The following UBE3C variants were observed in gnomAD, a reference collection of about 807,000 sequenced individuals.
UBE3C encodes ubiquitin protein ligase E3C.
UBE3C carries 42 observed loss-of-function variants against 129.4 expected under a neutral mutation model. That is an observed-to-expected ratio of 0.32 (90% CI 0.25 to 0.42). The LOEUF is 0.42. UBE3C is among the 10% of genes least tolerant of loss of function. The pLI, the probability that UBE3C is intolerant of heterozygous loss-of-function variation, is 1.00. For missense variants in UBE3C, 1,049 were observed against 1,319.1 expected, an observed-to-expected ratio of 0.80 and a Z score of 3.17; for synonymous variants, 510 against 492.4, an observed-to-expected ratio of 1.04 and a Z score of -0.47.
intron 22 of UBE3C, among the ~76,000 whole-genome samples, chr7:157,257,663 G>C (rs1193531272): frequency 6.7e-6 from 1 of 150,344 alleles, no homozygotes; most frequent in Non-Finnish European, 1.5e-5. Flanking sequence ...CTTGAACCCA[G>C]GAGGTGGAGG....
At position 157,269,198 on chromosome 7, in the gene UBE3C, AT is replaced by A. The variant is rs771706596; in HGVS notation, c.*1444del. ...GGTTGTTTTATGTTGAATGTTCTATATCTTATTAGTTAATTTGTATATTTTA... is the reference window on the plus strand; with the variant it reads ...GGTTGTTTTATGTTGAATGTTCTATACTTATTAGTTAATTTGTATATTTTA... On this transcript the variant is annotated 3_prime_UTR_variant, in exon 23 of 23. Transcript: ENST00000348165. The A allele has an allele frequency of 1.3e-5, 2 of 152,570 alleles. No homozygotes were observed. Among genetic ancestry groups the A allele is most frequent in the Non-Finnish European group, 2.9e-5 (2 of 68,032 alleles). The allele number at this position is 152,570 out of a possible 1,614,324, so 9.5% of individuals were successfully genotyped here. A position where few individuals can be genotyped will look rare whatever the true frequency, so the allele number is the denominator to read the frequency against.
intron 10 of UBE3C, among the ~76,000 whole-genome samples, chr7:157,196,067 G>C (rs1285269500): frequency 6.6e-6 from 1 of 152,182 alleles, no homozygotes; most frequent in Non-Finnish European, 1.5e-5. Flanking sequence ...GAGTCCTGCA[G>C]AGAACCTCTC....
rs528939743 is a variant in UBE3C at position 157,182,301 on chromosome 7, G to C, written c.964G>C (p.Val322Leu). 2 of 1,613,452 alleles carry C rather than the reference G, an allele frequency of 1.2e-6. No individual in the cohort carries two copies. Among genetic ancestry groups the C allele is most frequent in the Non-Finnish European group, 1.7e-6 (2 of 1,179,902 alleles). The stretch of plus-strand genomic sequence containing the variant: ...TGGAGCACCCTGGCTTTTCTATTTC[G>C]TTTTAACTGTTGGCGAAAATTATTT... Reference protein sequence around the residue: ...SGGAPWLFYFVLTVGENYLGA... With the variant: ...SGGAPWLFYFLLTVGENYLGA... The change falls in exon 8 of 23, where the codon GTT becomes CTT. Residue 322 changes from valine (V) to leucine (L), a missense_variant. Around this residue, in one of 4 missense-constraint regions of UBE3C, gnomAD observed 489 missense variants for 513.8 expected, o/e 0.95. Transcript: ENST00000348165.
At chr7:157,149,685 T>G (rs1807705879) in intron 1 of UBE3C, among the ~76,000 whole-genome samples, 1 of 152,150 alleles carries the variant, frequency 6.6e-6, no homozygotes. Flanking sequence ...CTAGGGTCCT[T>G]AAAAGGTTGA....
intron 10 of UBE3C, chr7:157,192,669 C>A: frequency 2.6e-6 from 2 of 770,030 alleles, no homozygotes; most frequent in Non-Finnish European, 4.7e-6. Context: ...GCTGGCTGTC[C>A]TGAAGTATTA....
Position 157,257,049 on chromosome 7 carries a change from A to G in UBE3C, c.3081+5A>G, listed in dbSNP as rs1352834996. 1.2e-6 allele frequency: 2 copies of G among 1,614,066 alleles called. No individual in the cohort carries two copies. Among genetic ancestry groups the G allele is most frequent in the East Asian group, 4.5e-5 (2 of 44,878 alleles). On this transcript the variant is annotated splice_donor_5th_base_variant and intron_variant, in intron 22 of 22. Transcript: ENST00000348165. ...CCCCCTCTCTTGGGGTTTAAGGTAC[A>G]CAACTTTCATGACATTTGCTTTAAA...
At chr7:157,178,009 T>A (rs184050374) in intron 5 of UBE3C, among the ~76,000 whole-genome samples, 1 of 151,580 alleles carries the variant, frequency 6.6e-6, no homozygotes, top group Non-Finnish European at 1.5e-5. Context: ...AAAAATAAGT[T>A]CGGTGTTAGA....
chr7:157,243,367 G>C (rs1796395831), intron 18 of UBE3C, among the ~76,000 whole-genome samples: 1 of 152,244 alleles, frequency 6.6e-6, no homozygotes, highest in Non-Finnish European at 1.5e-5. Flanking sequence ...AAGTAAGAGT[G>C]CAGCACCCGT....
Position 157,171,827 on chromosome 7 carries a change from A to T in UBE3C, c.342+1377A>T, listed in dbSNP as rs180958961. Among the ~76,000 whole-genome samples, 951 of 146,002 alleles carry T rather than the reference A, an allele frequency of 6.5e-3. 5 individuals carry two copies. The highest frequency in any genetic ancestry group is 0.023 in the African/African-American group (899 of 39,912). On this transcript the variant is annotated intron_variant, in intron 4 of 22. Transcript: ENST00000348165. ...GTTCAAGCGATTCTCCTGCCTCAGC[A>T]TCCCAAGTAGCTGGGATTACAGACG... is the stretch of plus-strand genomic sequence containing the variant.
chr7:157,166,928 T>C (rs1051344892), intron 2 of UBE3C, among the ~76,000 whole-genome samples: 4 of 128,070 alleles, frequency 3.1e-5, no homozygotes, highest in Non-Finnish European at 4.7e-5. Flanking sequence ...GTGGTGGTGG[T>C]GGTGGTGGTG....
chr7:157,201,298 T>C (rs1409240211), intron 10 of UBE3C, among the ~76,000 whole-genome samples: 2 of 152,080 alleles, frequency 1.3e-5, no homozygotes, highest in African/African-American at 4.8e-5. Flanking sequence ...CACTCCAGCC[T>C]GGGCAACAGA....
At chr7:157,260,508 G>C (rs1005529396) in intron 22 of UBE3C, among the ~76,000 whole-genome samples, 34 of 152,218 alleles carry the variant, frequency 2.2e-4, no homozygotes, top group African/African-American at 8.0e-4. Context: ...TGGAGGGCTT[G>C]CTGTGCTGGG....
At chr7:157,170,117 G>T (rs887882239) in intron 3 of UBE3C, among the ~76,000 whole-genome samples, 187 bp from the exon 4 acceptor site, 34 of 134,854 alleles carry the variant, frequency 2.5e-4, no homozygotes, top group Admixed American at 5.9e-4. Context: ...ACCATGCCTG[G>T]TTTTTTTTTT....
chr7:157,230,336 A>G (rs1302989032), intron 17 of UBE3C, among the ~76,000 whole-genome samples: 1 of 152,090 alleles, frequency 6.6e-6, no homozygotes, highest in African/African-American at 2.4e-5. Flanking sequence ...CCACATTGGA[A>G]GAGGAATAAT....
Position 157,181,650 on chromosome 7 carries a change from A to T in UBE3C, c.749A>T (p.Asn250Ile). The change falls in exon 7 of 23, where the codon AAC becomes ATC. Residue 250 changes from asparagine (N) to isoleucine (I), a missense_variant. Asn to Ile is a moderately radical substitution (Grantham distance 149). Transcript: ENST00000348165. ...CTAAAACCATTGCACTTTACTTACA[A>T]CTCCTGTCCGGAAGGTGCGAGGTGA... is the stretch of plus-strand genomic sequence containing the variant. ...NVLKPLHFTY[N>I]SCPEGARQQV... The T allele has an allele frequency of 6.2e-7, 1 of 1,613,248 alleles. No individual in the cohort carries two copies. Among genetic ancestry groups the T allele is most frequent in the East Asian group, 2.2e-5 (1 of 44,834 alleles).
intron 18 of UBE3C, among the ~76,000 whole-genome samples, chr7:157,232,087 C>G (rs1796035926): frequency 6.6e-6 from 1 of 152,086 alleles, no homozygotes; most frequent in African/African-American, 2.4e-5. Context: ...CTTGTAGATT[C>G]ATCATTTTGA....
chr7:157,153,970 T>G (rs1807830576), intron 1 of UBE3C, among the ~76,000 whole-genome samples: 1 of 149,720 alleles, frequency 6.7e-6, no homozygotes, highest in African/African-American at 2.5e-5. Context: ...GCACTCCAGC[T>G]TGGGTGACAG....
At chr7:157,184,102 C>T in intron 9 of UBE3C, 73 bp downstream of exon 9, 1 of 1,564,250 alleles carries the variant, frequency 6.4e-7, no homozygotes, top group Admixed American at 1.9e-5. Flanking sequence ...TTTCTGTCCA[C>T]CCGTAGTTTC....
intron 1 of UBE3C, among the ~76,000 whole-genome samples, chr7:157,140,675 C>T (rs943031098): frequency 1.3e-5 from 2 of 152,170 alleles, no homozygotes; most frequent in African/African-American, 4.8e-5. Context: ...CCATCTGAGA[C>T]TCCATGCCAT....
Sources: allele counts gnomAD v4.1 joint callset (sites outside exome capture counted in the v4.1 genomes callset), GRCh38; gene constraint gnomAD v4.1.1; regional missense constraint gnomAD v4.1.1; transcripts MANE v1.5; gene names NCBI Gene and HGNC (gene_info 2026-07-23, HGNC 2026-07-21).